The following STIM1 variants were observed in gnomAD, a reference collection of about 807,000 sequenced individuals.
The protein encoded by STIM1 is stromal interaction molecule 1.
STIM1 carries 25 observed loss-of-function variants against 74.7 expected under a neutral mutation model. The observed-to-expected ratio is 0.33, with a 90% CI of 0.24 to 0.47. The LOEUF is 0.47. Among genes scored for constraint, STIM1 ranks in the 20% least tolerant of loss-of-function variants. The pLI is 1.00. For missense variants in STIM1, 728 were observed against 920.8 expected, an observed-to-expected ratio of 0.79 and a Z score of 2.71; for synonymous variants, 328 against 348.8, an observed-to-expected ratio of 0.94 and a Z score of 0.66.
At chr11:3,861,285 G>C (rs1224689244) in intron 1 of STIM1, among the ~76,000 whole-genome samples, 1 of 150,994 alleles carries the variant, frequency 6.6e-6, no homozygotes, top group Admixed American at 6.6e-5. Context: ...CCAGGCTGGA[G>C]TGCAGTGGCC....
chr11:3,990,163 C>A (rs2093596992), intron 2 of STIM1, among the ~76,000 whole-genome samples: 1 of 152,188 alleles, frequency 6.6e-6, no homozygotes, highest in Non-Finnish European at 1.5e-5. Flanking sequence ...TCTGTTGTAA[C>A]TAGCTTTTTT....
intron 1 of STIM1, among the ~76,000 whole-genome samples, chr11:3,902,634 C>T (rs767390034): frequency 9.2e-5 from 14 of 152,242 alleles, no homozygotes; most frequent in Non-Finnish European, 2.1e-4. Flanking sequence ...CTGCCGCTCA[C>T]CTCCTGCTGT....
intron 1 of STIM1, among the ~76,000 whole-genome samples, chr11:3,905,766 G>A (rs1330716733): frequency 6.6e-6 from 1 of 152,210 alleles, no homozygotes; most frequent in Non-Finnish European, 1.5e-5. Flanking sequence ...CCAGGTTTCT[G>A]GAACTGCATG....
chr11:4,082,645 C>T (rs552766638), intron 8 of STIM1, among the ~76,000 whole-genome samples: 1 of 152,252 alleles, frequency 6.6e-6, no homozygotes, highest in East Asian at 1.9e-4. Flanking sequence ...CAGAGGTCCT[C>T]CTGGGGCAAA....
intron 4 of STIM1, 66 bp downstream of exon 4, chr11:4,055,703 C>T: frequency 7.9e-7 from 1 of 1,270,182 alleles, no homozygotes; most frequent in Non-Finnish European, 1.1e-6. Flanking sequence ...GGCCTGCCTT[C>T]AGATTGCTCT....
At chr11:4,041,557 G>A (rs1197372106) in intron 3 of STIM1, among the ~76,000 whole-genome samples, 1 of 151,974 alleles carries the variant, frequency 6.6e-6, no homozygotes, top group Non-Finnish European at 1.5e-5. Flanking sequence ...CATCTAGTAA[G>A]TGGCAGATTG....
At chr11:4,070,447 G>A (rs1278246063) in intron 6 of STIM1, among the ~76,000 whole-genome samples, 1 of 152,214 alleles carries the variant, frequency 6.6e-6, no homozygotes, top group East Asian at 1.9e-4. Context: ...AGGGAGAAAT[G>A]TGTAGCTGCC....
chr11:3,858,146 A>G (rs2090455557), intron 1 of STIM1, among the ~76,000 whole-genome samples: 1 of 151,890 alleles, frequency 6.6e-6, no homozygotes, highest in Non-Finnish European at 1.5e-5. Context: ...TAAGATGAAT[A>G]TTTTTTGGAG....
intron 1 of STIM1, among the ~76,000 whole-genome samples, chr11:3,946,643 C>T (rs2093077742): frequency 6.6e-6 from 1 of 152,124 alleles, no homozygotes; most frequent in Non-Finnish European, 1.5e-5. Context: ...TTAATTTTGG[C>T]TCCTTTAGGC....
At chr11:4,005,422 C>G (rs1002457143) in intron 2 of STIM1, among the ~76,000 whole-genome samples, 3 of 151,974 alleles carry the variant, frequency 2.0e-5, no homozygotes, top group Non-Finnish European at 4.4e-5. Flanking sequence ...GAGTTCATCT[C>G]CTTTGTAGGG....
intron 3 of STIM1, among the ~76,000 whole-genome samples, chr11:4,036,028 G>A (rs1292641511): frequency 1.3e-5 from 2 of 151,930 alleles, no homozygotes; most frequent in Non-Finnish European, 2.9e-5. Context: ...CCACTCCCCT[G>A]ACAATGTATG....
At chr11:3,992,147 G>A (rs2093622365) in intron 2 of STIM1, among the ~76,000 whole-genome samples, 1 of 138,992 alleles carries the variant, frequency 7.2e-6, no homozygotes, top group South Asian at 2.2e-4. Flanking sequence ...TGGTATGGTG[G>A]CTCATGCCTG....
intron 2 of STIM1, among the ~76,000 whole-genome samples, chr11:4,004,572 T>C (rs1294811327): frequency 2.6e-5 from 4 of 151,486 alleles, no homozygotes; most frequent in South Asian, 2.1e-4. Context: ...TTATACCTTA[T>C]ACAAAAATTA....
intron 11 of STIM1, 96 bp downstream of exon 11, chr11:4,084,861 C>A: frequency 1.0e-6 from 1 of 969,738 alleles, no homozygotes. Context: ...CTGCTTCACG[C>A]CCCTGCCTGC....
At chr11:3,885,991 A>G (rs922374567) in intron 1 of STIM1, among the ~76,000 whole-genome samples, 5 of 152,188 alleles carry the variant, frequency 3.3e-5, no homozygotes, top group Admixed American at 2.0e-4. Context: ...GGGCCCATCA[A>G]TGAAGGTGTT....
chr11:4,073,035 T>G (rs2094413912), intron 6 of STIM1, among the ~76,000 whole-genome samples: 1 of 144,830 alleles, frequency 6.9e-6, no homozygotes, highest in Non-Finnish European at 1.5e-5. Flanking sequence ...CACTGATAGC[T>G]CTGGACTTAG....
intron 2 of STIM1, among the ~76,000 whole-genome samples, chr11:4,016,501 G>A (rs1472766025): frequency 6.6e-6 from 1 of 152,220 alleles, no homozygotes; most frequent in African/African-American, 2.4e-5. Flanking sequence ...GGCTACACGG[G>A]TGTCAGGGAC....
chr11:3,971,084 G>A (rs1361486589), intron 2 of STIM1, among the ~76,000 whole-genome samples: 2 of 152,282 alleles, frequency 1.3e-5, no homozygotes, highest in East Asian at 3.9e-4. Context: ...TATACAAGAT[G>A]TAACATGTGG....
chr11:4,087,128 T>C (rs1355621294), intron 12 of STIM1, among the ~76,000 whole-genome samples: 1 of 152,170 alleles, frequency 6.6e-6, no homozygotes, highest in Non-Finnish European at 1.5e-5. Flanking sequence ...CTATGCACTT[T>C]CACATTAGTT....
Sources: allele counts gnomAD v4.1 joint callset (sites outside exome capture counted in the v4.1 genomes callset), GRCh38; gene constraint gnomAD v4.1.1; transcripts MANE v1.5; gene names NCBI Gene and HGNC (gene_info 2026-07-23, HGNC 2026-07-21).